The following KIAA0825 variants were observed in gnomAD, a reference collection of about 807,000 sequenced individuals.
The protein encoded by KIAA0825 is uncharacterized protein KIAA0825.
In KIAA0825, 119 loss-of-function variants were observed where a neutral mutation model predicts 147.6. The ratio of observed to expected loss-of-function variants is 0.81; its 90% CI spans 0.69 to 0.94. The LOEUF is 0.94. Among genes scored for constraint, KIAA0825 ranks in the 40% least tolerant of loss-of-function variants. KIAA0825 has a pLI of 0.00. For synonymous variants in KIAA0825, 470 were observed against 518.1 expected, an observed-to-expected ratio of 0.91 and a Z score of 1.26; for missense variants, 1,381 against 1,472.7, an observed-to-expected ratio of 0.94 and a Z score of 1.02.
intron 5 of KIAA0825, chr5:94,519,721 C>T: frequency 1.3e-6 from 1 of 778,676 alleles, no homozygotes; most frequent in Non-Finnish European, 1.6e-6. Flanking sequence ...TTTAAATATC[C>T]AATTTTACTG....
chr5:94,517,894 A>C (rs1647186585), intron 5 of KIAA0825, among the ~76,000 whole-genome samples: 1 of 151,924 alleles, frequency 6.6e-6, no homozygotes, highest in Non-Finnish European at 1.5e-5. Flanking sequence ...TCAGACAGAT[A>C]AGTTTGAATC....
intron 20 of KIAA0825, among the ~76,000 whole-genome samples, chr5:94,174,915 AC>A (rs562939375): frequency 8.9e-4 from 135 of 152,138 alleles, no homozygotes; most frequent in African/African-American, 3.2e-3. Context: ...CACAGCTATC[AC>A]CCTGGATGCC....
chr5:94,530,974 G>A (rs1043477424), intron 3 of KIAA0825, among the ~76,000 whole-genome samples: 3 of 152,076 alleles, frequency 2.0e-5, no homozygotes, highest in African/African-American at 7.2e-5. Flanking sequence ...TTATAAACAG[G>A]GAGACACGTG....
chr5:94,210,849 G>A (rs1646525519), intron 20 of KIAA0825, among the ~76,000 whole-genome samples: 1 of 152,166 alleles, frequency 6.6e-6, no homozygotes, highest in South Asian at 2.1e-4. Flanking sequence ...GCTTTGCCTG[G>A]AGTATAATGA....
intron 20 of KIAA0825, among the ~76,000 whole-genome samples, chr5:94,185,312 T>C (rs1263033367): frequency 6.6e-6 from 1 of 152,222 alleles, no homozygotes; most frequent in African/African-American, 2.4e-5. Context: ...GCTGAGGACA[T>C]ACTGTAATTA....
rs192835839 is a variant in KIAA0825 at position 94,536,178 on chromosome 5, A to G, written c.131+818T>C. Among the ~76,000 whole-genome samples the G allele has an allele frequency of 1.5e-4, 23 of 152,348 alleles. No individual in the cohort carries two copies. In the East Asian group the frequency reaches 4.2e-3, roughly 28 times the overall value. ...CTATCTTTTGAATTTACTTATGCCC[A>G]TTGTTATAATAAAGAACTAACTATT... On this transcript the variant is annotated intron_variant, in intron 3 of 20. Transcript: ENST00000682413.
In KIAA0825 at chr5:94,256,712, CCAGATTAGTG is replaced by C. The variant is rs1444079973; in HGVS notation, c.3711-102598_3711-102589del. On this transcript the variant is annotated intron_variant, in intron 20 of 20. Transcript: ENST00000682413. ...ATATTTCAGGGATGGCTTCTTCCTG[CCAGATTAGTG>C]CTTATCAACCTAGGAGGCTTCCAGG... 2.0e-5 allele frequency among the ~76,000 whole-genome samples: 3 copies of C among 152,104 alleles called. No homozygotes were observed. The East Asian group carries it at 5.8e-4, about 29-fold the overall frequency.
chr5:94,191,746 C>T (rs1384030843), intron 20 of KIAA0825, among the ~76,000 whole-genome samples: 1 of 152,134 alleles, frequency 6.6e-6, no homozygotes, highest in African/African-American at 2.4e-5. Flanking sequence ...CCTTCTGTAC[C>T]CCAGATGCCA....
chr5:94,411,573 CA>C (rs1341870588), intron 15 of KIAA0825, among the ~76,000 whole-genome samples: 4 of 152,038 alleles, frequency 2.6e-5, no homozygotes, highest in Admixed American at 2.6e-4. Flanking sequence ...ATAAAATTGC[CA>C]AAAGAAATAA....
chr5:94,550,841 C>CAA (rs1312611163), intron 2 of KIAA0825, among the ~76,000 whole-genome samples: 2 of 71,000 alleles, frequency 2.8e-5, no homozygotes, highest in African/African-American at 1.1e-4. Flanking sequence ...GACTCTATGT[C>CAA]AAAAAAAAAA....
At chr5:94,520,059 AAG>A (rs1767871822) in intron 5 of KIAA0825, 187 bp downstream of exon 5, 21 of 1,139,276 alleles carry the variant, frequency 1.8e-5, no homozygotes, top group Non-Finnish European at 2.2e-5. Context: ...TTTAATAAGA[AAG>A]AAAATACTTT....
At chr5:94,576,731 G>C (rs1435145400) in intron 2 of KIAA0825, among the ~76,000 whole-genome samples, 1 of 152,144 alleles carries the variant, frequency 6.6e-6, no homozygotes, top group African/African-American at 2.4e-5. Context: ...TTACATTGCT[G>C]CTTCATTACT....
At chr5:94,167,010 A>G (rs140386333) in intron 20 of KIAA0825, among the ~76,000 whole-genome samples, 1 of 152,316 alleles carries the variant, frequency 6.6e-6, no homozygotes, top group African/African-American at 2.4e-5. Context: ...GAAATCCATT[A>G]CAAACCAGAA....
At chr5:94,588,254 C>A (rs892110479) in intron 1 of KIAA0825, among the ~76,000 whole-genome samples, 13 of 152,110 alleles carry the variant, frequency 8.5e-5, no homozygotes, top group Admixed American at 7.2e-4. Context: ...AGTGAACAGG[C>A]AACCTACAGA....
At chr5:94,215,706 T>G (rs1422396014) in intron 20 of KIAA0825, among the ~76,000 whole-genome samples, 1 of 152,100 alleles carries the variant, frequency 6.6e-6, no homozygotes, top group Non-Finnish European at 1.5e-5. Flanking sequence ...TGGTGAATGG[T>G]TCTTCTTTCC....
chr5:94,580,409 G>C (rs1245121953), intron 2 of KIAA0825, among the ~76,000 whole-genome samples: 1 of 152,066 alleles, frequency 6.6e-6, no homozygotes, highest in Non-Finnish European at 1.5e-5. Flanking sequence ...ATTAAAACTA[G>C]ATTTAACATA....
chr5:94,593,927 G>C, intron 1 of KIAA0825: 1 of 435,430 alleles, frequency 2.3e-6, no homozygotes, highest in Non-Finnish European at 4.6e-6. Context: ...CAGAATTGAA[G>C]CAGTTTTACC....
intron 5 of KIAA0825, among the ~76,000 whole-genome samples, chr5:94,515,438 A>T (rs139267446): frequency 6.6e-6 from 1 of 152,316 alleles, no homozygotes; most frequent in East Asian, 1.9e-4. Flanking sequence ...TTAAAGCCTT[A>T]TAAGCTAAAT....
chr5:94,432,526 T>C (rs1040815052), intron 14 of KIAA0825, among the ~76,000 whole-genome samples: 1 of 152,130 alleles, frequency 6.6e-6, no homozygotes, highest in African/African-American at 2.4e-5. Context: ...CATTCTTGGA[T>C]AGGATCTTTG....
Sources: allele counts gnomAD v4.1 joint callset (sites outside exome capture counted in the v4.1 genomes callset), GRCh38; gene constraint gnomAD v4.1.1; transcripts MANE v1.5; gene names NCBI Gene and HGNC (gene_info 2026-07-23, HGNC 2026-07-21).